Variants in ZNF723 observed in about 807,000 individuals in gnomAD.
ZNF723 encodes the protein zinc finger protein 723, pseudogene.
Under a neutral mutation model 9.4 loss-of-function variants are expected in ZNF723, and 5 were observed. The observed-to-expected ratio is 0.53, with a 90% CI of 0.28 to 1.12. The LOEUF (loss-of-function observed/expected upper bound fraction) is 1.12, where lower values mean the gene tolerates loss of function less well. ZNF723 is among the 50% of genes most tolerant of loss of function. The pLI is 0.10. For missense variants in ZNF723, 450 were observed against 501.5 expected, an observed-to-expected ratio of 0.90 and a Z score of 0.98; for synonymous variants, 158 against 168.8, an observed-to-expected ratio of 0.94 and a Z score of 0.49.
intron 1 of ZNF723, among the ~76,000 whole-genome samples, chr19:22,838,229 T>C (rs1260495918): frequency 2.0e-5 from 3 of 152,166 alleles, no homozygotes; most frequent in African/African-American, 4.8e-5. Context: ...TTTGTGTCCA[T>C]GTGTTGTTAT....
At chr19:22,830,859 T>C (rs1237683525), upstream of ZNF723, among the ~76,000 whole-genome samples, 1 of 152,080 alleles carries the variant, frequency 6.6e-6, no homozygotes, top group Non-Finnish European at 1.5e-5. Flanking sequence ...GCCTCCTGGG[T>C]TGAAGCAATT....
Position 22,858,611 on chromosome 19 carries a change from A to C in ZNF723, c.*178A>C. Reference sequence around the variant, plus strand: ...AAACAACGTCTCTACTAAAATACAAAAAAAATTAGCCGGGTGTAGTGGTGG... The same window carrying C: ...AAACAACGTCTCTACTAAAATACAACAAAAATTAGCCGGGTGTAGTGGTGG... On this transcript the variant is annotated 3_prime_UTR_variant, in exon 4 of 4. Transcript: ENST00000600766. 2.3e-6 allele frequency: 1 copy of C among 433,608 alleles called. No individual in the cohort carries two copies. The highest frequency in any genetic ancestry group is 4.0e-6 in the Non-Finnish European group (1 of 248,574). 26.9% of individuals were successfully genotyped at this position (433,608 alleles called of 1,614,324 possible).
intron 2 of ZNF723, among the ~76,000 whole-genome samples, chr19:22,848,843 C>T (rs1041922960): frequency 4.0e-5 from 6 of 151,828 alleles, no homozygotes; most frequent in African/African-American, 1.5e-4. Context: ...CAATCCTCAC[C>T]TCCCAGGTTC....
intron 1 of ZNF723, among the ~76,000 whole-genome samples, chr19:22,838,879 C>G (rs1018574047): frequency 1.3e-5 from 2 of 152,126 alleles, no homozygotes; most frequent in Admixed American, 1.3e-4. Flanking sequence ...TCCTGAGTAG[C>G]TGGGCTTACA....
Position 22,858,193 on chromosome 19 carries a change from T to A in ZNF723, c.1302T>A (p.Phe434Leu), listed in dbSNP as rs890752115. Residue 434 changes from phenylalanine to leucine, a missense_variant, in exon 4 of 4, where the codon TTT (phenylalanine) becomes TTA (leucine). Phe to Leu is a conservative substitution (Grantham distance 22). This residue lies in a region of ZNF723 where 237 missense variants were observed against 332.2 expected (regional missense o/e 0.71). Transcript: ENST00000600766. Reference protein sequence around the residue: ...PYKCKQCGKGFSQSSTLTKHK... With the variant: ...PYKCKQCGKGLSQSSTLTKHK... ...AATGTAAACAATGTGGTAAAGGTTT[T>A]AGCCAATCCTCAACCCTTACTAAAC... 7.2e-7 allele frequency: 1 copy of A among 1,386,412 alleles called. No individual in the cohort carries two copies. The highest frequency in any genetic ancestry group is 1.0e-6 in the Non-Finnish European group (1 of 975,876). 85.9% of individuals were successfully genotyped at this position (1,386,412 alleles called of 1,614,324 possible).
chr19:22,816,919 C>G, the ZNF723 span, among the ~76,000 whole-genome samples: 1 of 152,172 alleles, frequency 6.6e-6, no homozygotes, highest in African/African-American at 2.4e-5. Flanking sequence ...ACTCTCCTGC[C>G]TCACCCTTGT....
chr19:22,815,114 G>T, the ZNF723 span, among the ~76,000 whole-genome samples: 1 of 152,018 alleles, frequency 6.6e-6, no homozygotes, highest in Non-Finnish European at 1.5e-5. Flanking sequence ...CTGAAAGGGA[G>T]AATTCTGACA....
chr19:22,857,328 A>T lies in ZNF723; in HGVS notation c.437A>T (p.Gln146Leu). 4.9e-6 allele frequency: 4 copies of T among 820,350 alleles called. No homozygotes were observed. The Admixed American group carries it at 6.9e-5, about 14-fold the overall frequency. 50.8% of individuals were successfully genotyped at this position (820,350 alleles called of 1,614,324 possible). A position where few individuals can be genotyped will look rare whatever the true frequency, so the allele number is the denominator to read the frequency against. ...CLTTTPSKIF[Q>L]CDKYVKVFHK... ...ACAACTACCCCGAGCAAAATATTTC[A>T]ATGTGATAAATATGTAAAAGTCTTT... The change falls in exon 4 of 4, where the codon CAA (glutamine) becomes CTA (leucine). Residue 146 changes from glutamine to leucine, a missense_variant. Physicochemically the swap from Gln to Leu is moderately radical, Grantham distance 113 (BLOSUM62 -2). Coordinates refer to ENST00000600766, the MANE Select transcript of ZNF723 (RefSeq NM_001349726.2).
At chr19:22,848,412 C>T in intron 2 of ZNF723, 25 bp downstream of exon 2, 4 of 1,311,338 alleles carry the variant, frequency 3.1e-6, no homozygotes, top group Non-Finnish European at 4.3e-6. Context: ...AATACACAAT[C>T]CTCAGATACT....
At chr19:22,852,379 T>A (rs1317690738) in intron 3 of ZNF723, among the ~76,000 whole-genome samples, 2 of 152,184 alleles carry the variant, frequency 1.3e-5, no homozygotes, top group Non-Finnish European at 2.9e-5. Flanking sequence ...AATTTAAGAA[T>A]GGATAGAGCA....
intron 3 of ZNF723, among the ~76,000 whole-genome samples, chr19:22,854,908 G>A (rs1447038478): frequency 6.6e-6 from 1 of 151,960 alleles, no homozygotes; most frequent in Non-Finnish European, 1.5e-5. Context: ...GTTTCCAGGC[G>A]TGGTGGCACA....
rs1967515574 is a variant in ZNF723 at position 22,858,384 on chromosome 19, G to A, written c.1493G>A (p.Arg498Lys). 3.6e-6 allele frequency: 3 copies of A among 823,608 alleles called. No individual in the cohort carries two copies. In the South Asian group the frequency reaches 4.8e-5, roughly 13 times the overall value. 51.0% of individuals were successfully genotyped at this position (823,608 alleles called of 1,614,324 possible). Residue 498 changes from arginine (R) to lysine (K), a missense_variant, in exon 4 of 4, where the codon AGA becomes AAA. Around this residue, in one of 5 missense-constraint regions of ZNF723, gnomAD observed 43 missense variants for 22.2 expected, o/e 1.94. Transcript: ENST00000600766. ...KAFNKSSILNRHKIIHTKEKS... is the reference protein window; with the variant it reads ...KAFNKSSILNKHKIIHTKEKS... ...TTTAACAAGTCCTCAATTCTTAACA[G>A]ACATAAGATAATTCATACTAAAGAG... is the stretch of plus-strand genomic sequence containing the variant.
In ZNF723 at chr19:22,832,493, C is replaced by T; in HGVS notation, c.3+111C>T. On this transcript the variant is annotated intron_variant, in intron 1 of 3. Transcript: ENST00000600766. ...CCTGCTGTCAGCCCCACAATCTGCG[C>T]TCGGAGTTCTAGCCTGGCCCGGCCT... 2.6e-6 allele frequency: 3 copies of T among 1,161,654 alleles called. No individual in the cohort carries two copies. In the South Asian group the frequency reaches 3.7e-5, roughly 14 times the overall value. The allele number at this position is 1,161,654 out of a possible 1,614,324, so 72.0% of individuals were successfully genotyped here.
At chr19:22,817,698 A>G in the ZNF723 span, among the ~76,000 whole-genome samples, 1 of 152,190 alleles carries the variant, frequency 6.6e-6, no homozygotes, top group Non-Finnish European at 1.5e-5. Context: ...CCCAGCTCAT[A>G]GGTATGATTA....
intron 3 of ZNF723, among the ~76,000 whole-genome samples, chr19:22,850,013 G>GT (rs1967370212): frequency 6.6e-6 from 1 of 151,450 alleles, no homozygotes; most frequent in South Asian, 2.1e-4. Context: ...TGTTCCATTT[G>GT]TTTTTTCATT....
At chr19:22,818,387 A>C in the ZNF723 span, among the ~76,000 whole-genome samples, 1 of 152,162 alleles carries the variant, frequency 6.6e-6, no homozygotes, top group Non-Finnish European at 1.5e-5. Flanking sequence ...TCACAAATTG[A>C]ATAATTGACT....
At chr19:22,837,271 T>C (rs1248495464) in intron 1 of ZNF723, among the ~76,000 whole-genome samples, 4 of 135,130 alleles carry the variant, frequency 3.0e-5, no homozygotes, top group African/African-American at 1.2e-4. Flanking sequence ...AGCGAGACTC[T>C]GGCTTAAAAA....
rs73924706 is a variant in ZNF723, at chr19:22,832,579, C to T, written c.3+197C>T. Among the ~76,000 whole-genome samples the T allele has an allele frequency of 8.3e-3, 1,270 of 152,280 alleles. 19 individuals carry two copies. Among genetic ancestry groups the T allele is most frequent in the African/African-American group, 0.029 (1,222 of 41,544 alleles). On this transcript the variant is annotated intron_variant, in intron 1 of 3. Coordinates refer to ENST00000600766, the MANE Select transcript of ZNF723 (RefSeq NM_001349726.2). ...ACAGCCGGGCCCGAGCGTCTTGTCT[C>T]TTCCCTGGCAGTGACCGTGCCCTGG...
At chr19:22,856,996 T>C in intron 3 of ZNF723, 122 bp from the exon 4 acceptor site, 1 of 480,138 alleles carries the variant, frequency 2.1e-6, no homozygotes, top group East Asian at 3.2e-5. Flanking sequence ...GAAGTAATTA[T>C]GGCCTATGGT....
Sources: allele counts gnomAD v4.1 joint callset (sites outside exome capture counted in the v4.1 genomes callset), GRCh38; gene constraint gnomAD v4.1.1; regional missense constraint gnomAD v4.1.1; transcripts MANE v1.5; gene names NCBI Gene and HGNC (gene_info 2026-07-23, HGNC 2026-07-21).